The following CDH13 variants were observed in gnomAD, a reference collection of about 807,000 sequenced individuals.
CDH13 encodes cadherin 13.
Under a neutral mutation model 63.8 loss-of-function variants are expected in CDH13, and 24 were observed. The ratio of observed to expected loss-of-function variants is 0.38; its 90% confidence interval spans 0.27 to 0.53. The LOEUF (loss-of-function observed/expected upper bound fraction) is 0.53, where lower values mean the gene tolerates loss of function less well. CDH13 is among the 20% of genes least tolerant of loss of function. The pLI, the probability that CDH13 is intolerant of heterozygous loss-of-function variation, is 0.85. For synonymous variants in CDH13, 503 were observed against 355.3 expected, an observed-to-expected ratio of 1.42 and a Z score of -4.67; for missense variants, 1,049 against 903.1, an observed-to-expected ratio of 1.16 and a Z score of -2.07.
intron 6 of CDH13, among the ~76,000 whole-genome samples, chr16:83,435,355 A>T (rs571206142): frequency 1.3e-5 from 2 of 152,096 alleles, no homozygotes; most frequent in African/African-American, 4.8e-5. Context: ...CCTATTTGAC[A>T]TATTTTTAAC....
At chr16:83,416,746 T>C (rs1036089999) in intron 6 of CDH13, among the ~76,000 whole-genome samples, 1 of 152,180 alleles carries the variant, frequency 6.6e-6, no homozygotes, top group Admixed American at 6.5e-5. Flanking sequence ...AAAGCACAAA[T>C]GCTGGGGTCA....
intron 4 of CDH13, among the ~76,000 whole-genome samples, chr16:83,205,394 G>A (rs756769779): frequency 2.0e-4 from 30 of 152,134 alleles, no homozygotes; most frequent in Non-Finnish European, 3.8e-4. Flanking sequence ...ATGACCCAAA[G>A]ATGACTCCTC....
chr16:83,175,440 G>T (rs369235897), intron 4 of CDH13, among the ~76,000 whole-genome samples: 1 of 152,092 alleles, frequency 6.6e-6, no homozygotes, highest in African/African-American at 2.4e-5. Flanking sequence ...TAATGAGCCA[G>T]TGTGGAGACT....
At chr16:83,056,480 T>A (rs1229392496) in intron 3 of CDH13, among the ~76,000 whole-genome samples, 3 of 150,794 alleles carry the variant, frequency 2.0e-5, no homozygotes, top group Non-Finnish European at 4.4e-5. Context: ...AAAAAGCAAC[T>A]GTTATTATGC....
chr16:83,138,946 G>A (rs1159925628), intron 4 of CDH13, among the ~76,000 whole-genome samples: 1 of 152,140 alleles, frequency 6.6e-6, no homozygotes, highest in Admixed American at 6.5e-5. Flanking sequence ...GGTAGAGGAA[G>A]GTCCCCTCTT....
intron 7 of CDH13, among the ~76,000 whole-genome samples, chr16:83,511,468 A>AC (rs571040213): frequency 0.052 from 7,921 of 152,102 alleles, 282 homozygotes; most frequent in Non-Finnish European, 0.07. Context: ...TCTCAAAAAA[A>AC]AAAAAAAGTT....
intron 2 of CDH13, among the ~76,000 whole-genome samples, chr16:82,865,363 G>A (rs1201414455): frequency 6.6e-6 from 1 of 152,192 alleles, no homozygotes; most frequent in East Asian, 1.9e-4. Context: ...CTCTGCCTCT[G>A]CAACAAACTT....
At chr16:82,791,673 G>C (rs1029983017) in intron 1 of CDH13, among the ~76,000 whole-genome samples, 3 of 152,204 alleles carry the variant, frequency 2.0e-5, no homozygotes, top group African/African-American at 4.8e-5. Flanking sequence ...GGTGTCCACT[G>C]TGCTCCTGAT....
chr16:83,205,427 C>A (rs2151771104), intron 4 of CDH13, among the ~76,000 whole-genome samples: 1 of 152,264 alleles, frequency 6.6e-6, no homozygotes, highest in South Asian at 2.1e-4. Context: ...GCTGAGGCAT[C>A]TTTCAGCGCA....
chr16:83,498,940 G>T (rs2074209381), intron 7 of CDH13, among the ~76,000 whole-genome samples: 1 of 152,204 alleles, frequency 6.6e-6, no homozygotes, highest in Admixed American at 6.5e-5. Context: ...ACTCTCTCCT[G>T]CCCTTGGGGG....
intron 2 of CDH13, among the ~76,000 whole-genome samples, chr16:82,888,122 G>C (rs1417491688): frequency 6.6e-6 from 1 of 152,088 alleles, no homozygotes; most frequent in Non-Finnish European, 1.5e-5. Context: ...TGAGATCCAA[G>C]TTCCAAAAAG....
chr16:83,457,169 G>A (rs11646484), intron 6 of CDH13, among the ~76,000 whole-genome samples: 64,567 of 152,024 alleles, frequency 0.42, 14,336 homozygotes, highest in East Asian at 0.82. Context: ...GGCGAGCTCC[G>A]CAGTTCCTTT....
At chr16:83,594,829 G>A (rs1038415099) in intron 7 of CDH13, among the ~76,000 whole-genome samples, 5 of 152,212 alleles carry the variant, frequency 3.3e-5, no homozygotes, top group Admixed American at 2.6e-4. Context: ...CGAGGGTCTG[G>A]TGATGGATTA....
At chr16:83,177,281 C>T (rs762347552) in intron 4 of CDH13, among the ~76,000 whole-genome samples, 3 of 152,162 alleles carry the variant, frequency 2.0e-5, no homozygotes, top group African/African-American at 4.8e-5. Context: ...CAGCTGCTTG[C>T]TTCAAATGAC....
intron 5 of CDH13, among the ~76,000 whole-genome samples, chr16:83,258,284 A>C (rs1567544758): frequency 6.6e-6 from 1 of 152,218 alleles, no homozygotes; most frequent in Non-Finnish European, 1.5e-5. Flanking sequence ...GTGCCAATAA[A>C]AGGTATATTC....
intron 7 of CDH13, among the ~76,000 whole-genome samples, chr16:83,589,137 T>C (rs1598337048): frequency 6.6e-6 from 1 of 152,174 alleles, no homozygotes; most frequent in Non-Finnish European, 1.5e-5. Context: ...TTGCTTTTTC[T>C]ATCTTCTAAA....
rs79303063 is a variant in CDH13 at position 83,539,723 on chromosome 16, G to C, written c.960+53068G>C. ...GTACTGTAATTATTCCCATTTCATAGATGAAGCAATTGCAGCATAGGGAGA... is the reference window on the plus strand; with the variant it reads ...GTACTGTAATTATTCCCATTTCATACATGAAGCAATTGCAGCATAGGGAGA... On this transcript the variant is annotated intron_variant, in intron 7 of 13. Coordinates refer to ENST00000567109, the MANE Select transcript of CDH13 (RefSeq NM_001257.5). Among the ~76,000 whole-genome samples, 171 of 152,308 alleles carry C rather than the reference G, an allele frequency of 1.1e-3. 4 individuals carry two copies. The East Asian group carries it at 0.031, about 28-fold the overall frequency.
chr16:82,658,861 G>A (rs963206605), intron 1 of CDH13, among the ~76,000 whole-genome samples: 3 of 152,190 alleles, frequency 2.0e-5, no homozygotes, highest in African/African-American at 7.2e-5. Flanking sequence ...GGTATGTATG[G>A]AAGATTCTGT....
At chr16:83,418,568 C>T (rs1034275510) in intron 6 of CDH13, among the ~76,000 whole-genome samples, 12 of 152,076 alleles carry the variant, frequency 7.9e-5, no homozygotes, top group Non-Finnish European at 1.6e-4. Context: ...GGGTTTGATC[C>T]GATGTCTTGG....
Sources: gnomAD v4.1 joint callset for allele counts (sites outside exome capture counted in the v4.1 genomes callset) on GRCh38, gnomAD v4.1.1 for gene constraint, MANE v1.5 for transcripts, NCBI Gene and HGNC (gene_info 2026-07-23, HGNC 2026-07-21) for gene names.